The following TCHP variants were observed in gnomAD, a reference collection of about 807,000 sequenced individuals.
The protein encoded by TCHP is trichoplein keratin filament binding.
Under a neutral mutation model 88.7 loss-of-function variants are expected in TCHP, and 81 were observed. The observed-to-expected ratio is 0.91, with a 90% confidence interval of 0.76 to 1.10. The LOEUF (loss-of-function observed/expected upper bound fraction) is 1.10, where lower values mean the gene tolerates loss of function less well. Among genes scored for constraint, TCHP ranks in the 50% least tolerant of loss-of-function variants. The pLI, the probability that TCHP is intolerant of heterozygous loss-of-function variation, is 0.00. For missense variants in TCHP, 641 were observed against 632.1 expected (o/e 1.01, Z -0.15); for synonymous variants, 232 against 232.5 (o/e 1.00, Z 0.02).
the TCHP span, among the ~76,000 whole-genome samples, chr12:109,882,624 G>A: frequency 6.6e-6 from 1 of 150,626 alleles, no homozygotes; most frequent in Non-Finnish European, 1.5e-5. Flanking sequence ...ATTGGGGCAG[G>A]AAGGGAGTGG....
At chr12:109,896,743 T>G (rs1328876408), upstream of TCHP, among the ~76,000 whole-genome samples, 1 of 151,866 alleles carries the variant, frequency 6.6e-6, no homozygotes, top group Non-Finnish European at 1.5e-5. Context: ...AAACCCCAAC[T>G]CTACTGAAAA....
At chr12:109,893,094 A>G in the TCHP span, among the ~76,000 whole-genome samples, 3 of 152,110 alleles carry the variant, frequency 2.0e-5, no homozygotes, top group African/African-American at 7.2e-5. Flanking sequence ...AATTGTGAAC[A>G]TCAGGCCGGG....
At chr12:109,898,182 G>A (rs994757344), upstream of TCHP, among the ~76,000 whole-genome samples, 6 of 152,196 alleles carry the variant, frequency 3.9e-5, no homozygotes, top group African/African-American at 1.4e-4. Flanking sequence ...TTCTCACACG[G>A]GCAACCCTAG....
At chr12:109,886,748 G>T in the TCHP span, among the ~76,000 whole-genome samples, 26 of 152,006 alleles carry the variant, frequency 1.7e-4, no homozygotes, top group South Asian at 6.2e-4. Flanking sequence ...TTGCTTTGTT[G>T]CCCAGGCTGG....
chr12:109,899,098 C>T (rs1202397451), upstream of TCHP, among the ~76,000 whole-genome samples: 6 of 152,088 alleles, frequency 3.9e-5, no homozygotes, highest in East Asian at 3.9e-4. Context: ...GGATTACAGG[C>T]GTAAGCCACT....
chr12:109,914,406 A>G (rs746190447), intron 10 of TCHP, 36 bp from the exon 11 acceptor site: 20 of 1,578,444 alleles, frequency 1.3e-5, no homozygotes, highest in Non-Finnish European at 1.6e-5. Flanking sequence ...GTTAGGGTCA[A>G]CCTCAAAGCT....
At chr12:109,894,881 G>A in the TCHP span, among the ~76,000 whole-genome samples, 1 of 151,892 alleles carries the variant, frequency 6.6e-6, no homozygotes, top group Non-Finnish European at 1.5e-5. Flanking sequence ...TGTTCCAGGA[G>A]GTCACACTGT....
At chr12:109,887,317 G>A in the TCHP span, among the ~76,000 whole-genome samples, 2 of 151,258 alleles carry the variant, frequency 1.3e-5, no homozygotes, top group East Asian at 3.9e-4. Flanking sequence ...AGCTACTCGG[G>A]AGGCTGAGGC....
chr12:109,897,566 C>CT (rs563239979), upstream of TCHP, among the ~76,000 whole-genome samples: 14,548 of 145,580 alleles, frequency 0.1, 920 homozygotes, highest in African/African-American at 0.17. Context: ...TTCTTTCTTT[C>CT]TTTTTTTTTT....
chr12:109,910,835 T>C (rs1870440058), intron 8 of TCHP, among the ~76,000 whole-genome samples: 1 of 152,186 alleles, frequency 6.6e-6, no homozygotes. Flanking sequence ...GGTCTCCCTT[T>C]AGCCAGAGAG....
the TCHP span, among the ~76,000 whole-genome samples, chr12:109,889,388 G>A: frequency 1.3e-5 from 2 of 151,888 alleles, no homozygotes; most frequent in Non-Finnish European, 2.9e-5. Flanking sequence ...CAGGAGAATG[G>A]CATGAACCCA....
the TCHP span, among the ~76,000 whole-genome samples, chr12:109,892,003 C>T: frequency 6.8e-3 from 1,037 of 152,196 alleles, 1 homozygote; most frequent in Non-Finnish European, 9.4e-3. Context: ...CTCAAGGTTT[C>T]AGTAGAAACC....
chr12:109,891,468 A>G, the TCHP span, among the ~76,000 whole-genome samples: 1,935 of 148,874 alleles, frequency 0.013, 35 homozygotes, highest in Middle Eastern at 0.041. Context: ...CTCCCCACTC[A>G]CAGCAACCTC....
chr12:109,916,447 T>C (rs1389206021), intron 12 of TCHP, 144 bp from the exon 13 acceptor site: 8 of 847,336 alleles, frequency 9.4e-6, no homozygotes. Flanking sequence ...AGTGCCTCAT[T>C]TATGGCTTAG....
rs770399529 is a variant in TCHP, at chr12:109,913,059, G to C, written c.1121G>C (p.Arg374Thr). ...GCCCGAGAGCGCAGCGCACGGGACA[G>C]ACTGATGAGCGAGGTAATCCCAGCT... is the stretch of plus-strand genomic sequence containing the variant. Reference protein sequence around the residue: ...EWARERSARDRLMSEVLTGRQ... With the variant: ...EWARERSARDTLMSEVLTGRQ... The change falls in exon 10 of 13, where the codon AGA becomes ACA. Residue 374 changes from arginine (R) to threonine (T), a missense_variant. Transcript: ENST00000405876. 6.2e-6 allele frequency: 10 copies of C among 1,613,912 alleles called. No homozygotes were observed. In the South Asian group the frequency reaches 1.1e-4, roughly 18 times the overall value.
rs561361072 is a variant in TCHP, at chr12:109,905,985, G to T, written c.457-587G>T. Among the ~76,000 whole-genome samples the T allele has an allele frequency of 6.6e-6, 1 of 152,176 alleles. No homozygotes were observed. The highest frequency in any genetic ancestry group is 1.5e-5 in the Non-Finnish European group (1 of 68,030). ...CGAGTAGCTGAGACTACAGGTGGGC[G>T]CCACCATATCCAGCTAATTTTATAA... On this transcript the variant is annotated intron_variant, in intron 4 of 12. Coordinates refer to ENST00000405876, the MANE Select transcript of TCHP (RefSeq NM_001143852.2). This position sits in a 1 kb window ranked among gnomAD's most constrained non-coding sequence, Gnocchi z 4.0.
the TCHP span, among the ~76,000 whole-genome samples, chr12:109,893,920 A>C: frequency 1.3e-5 from 2 of 152,208 alleles, no homozygotes; most frequent in African/African-American, 4.8e-5. Context: ...ACGGTGGCTC[A>C]TGCCTGTAAT....
rs1178156842 is a variant in TCHP, at chr12:109,916,866, C to T, written c.*243C>T. 7.8e-6 allele frequency: 4 copies of T among 512,082 alleles called. No individual in the cohort carries two copies. In the East Asian group the frequency reaches 1.0e-4, roughly 13 times the overall value. 31.7% of individuals were successfully genotyped at this position (512,082 alleles called of 1,614,324 possible). A position where few individuals can be genotyped will look rare whatever the true frequency, so the allele number is the denominator to read the frequency against. On this transcript the variant is annotated 3_prime_UTR_variant, in exon 13 of 13. Transcript: ENST00000405876. The stretch of plus-strand genomic sequence containing the variant: ...GTCTTTGATGGGCACGTGTTTACAG[C>T]GCTGCTGCATAGTCTTGTAATATAT...
intron 7 of TCHP, 40 bp from the exon 8 acceptor site, chr12:109,908,831 C>G: frequency 6.2e-7 from 1 of 1,608,502 alleles, no homozygotes. Context: ...TTAATTCTTT[C>G]TGAGATACTG....
Sources: gnomAD v4.1 joint callset for allele counts (sites outside exome capture counted in the v4.1 genomes callset) on GRCh38, gnomAD v4.1.1 for gene constraint, Gnocchi (gnomAD v3.1) non-coding constraint, MANE v1.5 for transcripts, NCBI Gene and HGNC (gene_info 2026-07-23, HGNC 2026-07-21) for gene names.